CCSER2: variants seen among roughly 807,000 people sequenced by gnomAD.
CCSER2 encodes coiled-coil serine rich protein 2, also known as serine-rich coiled-coil domain-containing protein 2.
A neutral mutation model predicts 92.3 loss-of-function variants in CCSER2; 46 were observed. The observed-to-expected ratio is 0.50, with a 90% CI of 0.39 to 0.64. The LOEUF is 0.64. Among genes scored for constraint, CCSER2 ranks in the 30% least tolerant of loss-of-function variants. The pLI is 0.00. For synonymous variants in CCSER2, 433 were observed against 431.4 expected (o/e 1.00, Z -0.04); for missense variants, 1,244 against 1,238.9 (o/e 1.00, Z -0.06).
chr10:84,443,095 A>C (rs184109906), intron 6 of CCSER2, among the ~76,000 whole-genome samples: 1 of 152,210 alleles, frequency 6.6e-6, no homozygotes, highest in African/African-American at 2.4e-5. Context: ...GGGCAAAGAC[A>C]TCACGACTAA....
intron 3 of CCSER2, among the ~76,000 whole-genome samples, chr10:84,409,935 G>T (rs1002694887): frequency 2.0e-5 from 3 of 151,986 alleles, no homozygotes; most frequent in African/African-American, 7.3e-5. Flanking sequence ...CCTCTGCTAG[G>T]TCCCAGTGCA....
intron 9 of CCSER2, among the ~76,000 whole-genome samples, chr10:84,483,956 TATATATATATATATATATATATATA>T (rs1847622654): frequency 2.2e-5 from 2 of 89,192 alleles, no homozygotes; most frequent in Non-Finnish European, 3.9e-5. Flanking sequence ...GGCTAATTTA[TATATATATATATATATATATATATA>T]TATATATATA....
intron 6 of CCSER2, among the ~76,000 whole-genome samples, chr10:84,456,930 C>G (rs1290982467): frequency 1.3e-5 from 2 of 151,528 alleles, no homozygotes; most frequent in African/African-American, 4.8e-5. Flanking sequence ...TCTTTTCTTA[C>G]TGATTTTTGA....
intron 9 of CCSER2, among the ~76,000 whole-genome samples, chr10:84,485,668 T>C (rs1847762163): frequency 6.6e-6 from 1 of 152,184 alleles, no homozygotes; most frequent in Admixed American, 6.5e-5. Context: ...ATATGGTATG[T>C]CTCTCCATTA....
intron 5 of CCSER2, among the ~76,000 whole-genome samples, chr10:84,427,034 C>T (rs1300978833): frequency 1.3e-5 from 2 of 152,068 alleles, no homozygotes; most frequent in Non-Finnish European, 2.9e-5. Flanking sequence ...TGTGATTTTG[C>T]AAAAGGTGGT....
At chr10:84,373,529 CTATGA>C in intron 2 of CCSER2, 85 bp from the exon 3 acceptor site, 1 of 986,064 alleles carries the variant, frequency 1.0e-6, no homozygotes, top group South Asian at 1.8e-5. Context: ...AGCTTTTTTG[CTATGA>C]TATATCAAAT....
At chr10:84,447,329 A>G (rs1844986140) in intron 6 of CCSER2, among the ~76,000 whole-genome samples, 1 of 152,140 alleles carries the variant, frequency 6.6e-6, no homozygotes, top group Non-Finnish European at 1.5e-5. Context: ...TTTAATTTAC[A>G]TTTCCCTGAT....
chr10:84,429,921 C>T (rs1334680225), intron 5 of CCSER2, among the ~76,000 whole-genome samples: 4 of 151,460 alleles, frequency 2.6e-5, no homozygotes, highest in Non-Finnish European at 4.4e-5. Context: ...TCAGATTTCT[C>T]CCTGGCCAGG....
At chr10:84,389,334 C>G (rs981419534) in intron 3 of CCSER2, 2 of 522,946 alleles carry the variant, frequency 3.8e-6, no homozygotes, top group African/African-American at 3.9e-5. Context: ...GCAATGTTGA[C>G]AATCTCATCA....
intron 9 of CCSER2, among the ~76,000 whole-genome samples, chr10:84,485,750 AATTATT>A (rs747070237): frequency 2.6e-5 from 4 of 151,972 alleles, no homozygotes; most frequent in South Asian, 2.1e-4. Context: ...ATGCTTTTTT[AATTATT>A]ATTATTATTT....
intron 1 of CCSER2, among the ~76,000 whole-genome samples, chr10:84,333,720 G>T (rs186293327): frequency 6.6e-6 from 1 of 152,260 alleles, no homozygotes; most frequent in Non-Finnish European, 1.5e-5. Context: ...GGTGGAAGTG[G>T]AGATCGGGAT....
intron 4 of CCSER2, among the ~76,000 whole-genome samples, chr10:84,418,824 T>A (rs978588431): frequency 1.3e-5 from 2 of 152,176 alleles, no homozygotes; most frequent in Non-Finnish European, 2.9e-5. Flanking sequence ...AACGTGTATT[T>A]TTCTCATTCA....
At chr10:84,398,552 A>G (rs1232718009) in intron 3 of CCSER2, among the ~76,000 whole-genome samples, 1 of 152,182 alleles carries the variant, frequency 6.6e-6, no homozygotes, top group Non-Finnish European at 1.5e-5. Flanking sequence ...GAAAGGAGCT[A>G]CATGCTTTCC....
At chr10:84,466,530 A>T (rs1325425171) in intron 7 of CCSER2, among the ~76,000 whole-genome samples, 1 of 149,758 alleles carries the variant, frequency 6.7e-6, no homozygotes, top group Non-Finnish European at 1.5e-5. Context: ...TTTGAGACAA[A>T]GTCTCGCTCT....
At chr10:84,341,490 C>G (rs913876698) in intron 1 of CCSER2, among the ~76,000 whole-genome samples, 1 of 151,936 alleles carries the variant, frequency 6.6e-6, no homozygotes, top group Admixed American at 6.6e-5. Context: ...CTTGGCCACA[C>G]AGCACCTCTT....
chr10:84,357,746 G>A (rs993787825), intron 1 of CCSER2, among the ~76,000 whole-genome samples: 5 of 152,146 alleles, frequency 3.3e-5, no homozygotes, highest in African/African-American at 9.7e-5. Context: ...CACCGCGCTC[G>A]GCCATATTTT....
At chr10:84,329,644 G>A (rs540267603) in intron 1 of CCSER2, among the ~76,000 whole-genome samples, 1 of 151,750 alleles carries the variant, frequency 6.6e-6, no homozygotes, top group Non-Finnish European at 1.5e-5. Flanking sequence ...CATTTGGCCA[G>A]TTGTTTTTTT....
chr10:84,477,632 A>C lies in CCSER2; in HGVS notation c.2293A>C (p.Lys765Gln). 6.2e-7 allele frequency: 1 copy of C among 1,610,408 alleles called. No homozygotes were observed. Among genetic ancestry groups the C allele is most frequent in the East Asian group, 2.2e-5 (1 of 44,770 alleles). Residue 765 changes from lysine to glutamine, a missense_variant, in exon 9 of 10, where the codon AAA becomes CAA. Transcript: ENST00000372088. ...AGAGGAAAAATGCACTTATGCTGAT[A>C]AATATACCCAAACACCCTGGAGACG... Reference protein sequence around the residue: ...CKEEKCTYADKYTQTPWRRIP... With the variant: ...CKEEKCTYADQYTQTPWRRIP...
chr10:84,431,648 G>C (rs558388471), intron 5 of CCSER2, among the ~76,000 whole-genome samples: 1 of 151,908 alleles, frequency 6.6e-6, no homozygotes, highest in Non-Finnish European at 1.5e-5. Flanking sequence ...AGGCTGAGGT[G>C]GGGGGATCAC....
Sources: gnomAD v4.1 joint callset for allele counts (sites outside exome capture counted in the v4.1 genomes callset) on GRCh38, gnomAD v4.1.1 for gene constraint, MANE v1.5 for transcripts, NCBI Gene and HGNC (gene_info 2026-07-23, HGNC 2026-07-21) for gene names.